Variants in TNFSF4 observed in about 807,000 individuals in gnomAD.
TNFSF4 encodes the protein TNF superfamily member 4.
In TNFSF4, 4 loss-of-function variants were observed where a neutral mutation model predicts 7.3. The observed-to-expected ratio is 0.55, with a 90% CI of 0.27 to 1.25. The LOEUF (loss-of-function observed/expected upper bound fraction) is 1.25. TNFSF4 is among the 50% of genes most tolerant of loss of function. The pLI, the probability that TNFSF4 is intolerant of heterozygous loss-of-function variation, is 0.12. For missense variants in TNFSF4, 181 were observed against 208.8 expected, an observed-to-expected ratio of 0.87 and a Z score of 0.82; for synonymous variants, 76 against 83.7, an observed-to-expected ratio of 0.91 and a Z score of 0.50.
At chr1:173,428,612 A>C in the TNFSF4 span, among the ~76,000 whole-genome samples, 8 of 152,386 alleles carry the variant, frequency 5.2e-5, no homozygotes, top group East Asian at 1.5e-3. Flanking sequence ...TATGATATTA[A>C]TGAATTATTG....
chr1:173,193,031 G>T (rs191960834), intron 1 of TNFSF4, among the ~76,000 whole-genome samples: 2 of 152,138 alleles, frequency 1.3e-5, no homozygotes, highest in East Asian at 1.9e-4. Context: ...ACAGAATGAA[G>T]GAATGGATTA....
chr1:173,183,480 A>G (rs1399723152), downstream of TNFSF4, among the ~76,000 whole-genome samples: 1 of 152,194 alleles, frequency 6.6e-6, no homozygotes, highest in Non-Finnish European at 1.5e-5. Context: ...AAAACAGTAC[A>G]TGGTAGAACT....
At chr1:173,177,143 G>GA in the TNFSF4 span, among the ~76,000 whole-genome samples, 11 of 152,020 alleles carry the variant, frequency 7.2e-5, no homozygotes, top group African/African-American at 2.4e-4. Flanking sequence ...AAAAATGGTT[G>GA]AAAAGGTAAA....
At chr1:173,419,698 A>G in the TNFSF4 span, among the ~76,000 whole-genome samples, 15 of 152,290 alleles carry the variant, frequency 9.8e-5, no homozygotes, top group African/African-American at 3.4e-4. Context: ...AAGACCCATG[A>G]GGACACAAGG....
At chr1:173,448,988 T>C in the TNFSF4 span, among the ~76,000 whole-genome samples, 36 of 152,344 alleles carry the variant, frequency 2.4e-4, no homozygotes, top group Admixed American at 2.1e-3. Context: ...AAATCTCATA[T>C]TCAAATGTAA....
At chr1:173,306,133 A>G in the TNFSF4 span, among the ~76,000 whole-genome samples, 11 of 151,766 alleles carry the variant, frequency 7.2e-5, no homozygotes, top group South Asian at 2.3e-3. Flanking sequence ...TTGGAAGGAG[A>G]TTTTTTCCCC....
chr1:173,394,987 C>CATAGATAGATAG, the TNFSF4 span, among the ~76,000 whole-genome samples: 1 of 126,876 alleles, frequency 7.9e-6, no homozygotes, highest in Non-Finnish European at 1.6e-5. Context: ...ATAGAGGACA[C>CATAGATAGATAG]ATAGATAGAT....
the TNFSF4 span, among the ~76,000 whole-genome samples, chr1:173,250,250 T>G: frequency 6.6e-6 from 1 of 152,328 alleles, no homozygotes; most frequent in African/African-American, 2.4e-5. Flanking sequence ...ATTTTACCAT[T>G]TAACACATTA....
chr1:173,441,414 A>C, the TNFSF4 span, among the ~76,000 whole-genome samples: 1 of 152,108 alleles, frequency 6.6e-6, no homozygotes. Context: ...CCTGAGCTCA[A>C]GAGTTTGAGA....
At chr1:173,189,687 T>C (rs1009424740) in intron 1 of TNFSF4, among the ~76,000 whole-genome samples, 2 of 152,046 alleles carry the variant, frequency 1.3e-5, no homozygotes, top group African/African-American at 4.8e-5. Context: ...ATAAAATATA[T>C]TGCCATTTGT....
the TNFSF4 span, among the ~76,000 whole-genome samples, chr1:173,372,183 A>G: frequency 6.6e-6 from 1 of 152,244 alleles, no homozygotes; most frequent in Non-Finnish European, 1.5e-5. Context: ...CAAAGAATGA[A>G]GACAGCCTAT....
the TNFSF4 span, among the ~76,000 whole-genome samples, chr1:173,378,144 A>G: frequency 2.0e-5 from 3 of 152,206 alleles, no homozygotes; most frequent in African/African-American, 4.8e-5. Flanking sequence ...GTGGTCTAGG[A>G]GGAAAACTAG....
At chr1:173,400,441 A>G in the TNFSF4 span, among the ~76,000 whole-genome samples, 1 of 152,200 alleles carries the variant, frequency 6.6e-6, no homozygotes, top group Non-Finnish European at 1.5e-5. Flanking sequence ...CACCAGTAAA[A>G]TGTTTCCTTC....
At chr1:173,377,654 T>C in the TNFSF4 span, among the ~76,000 whole-genome samples, 1 of 152,322 alleles carries the variant, frequency 6.6e-6, no homozygotes, top group Admixed American at 6.5e-5. Flanking sequence ...CTTTTCTAGT[T>C]TCTCCTACAA....
chr1:173,308,621 A>C, the TNFSF4 span, among the ~76,000 whole-genome samples: 1 of 151,946 alleles, frequency 6.6e-6, no homozygotes, highest in Non-Finnish European at 1.5e-5. Context: ...TAAGTGACTT[A>C]AAACAACAAT....
At chr1:173,316,297 T>C in the TNFSF4 span, among the ~76,000 whole-genome samples, 1 of 152,170 alleles carries the variant, frequency 6.6e-6, no homozygotes, top group Non-Finnish European at 1.5e-5. Context: ...CAAAACATCG[T>C]TTTTACCTTA....
chr1:173,353,221 G>A, the TNFSF4 span, among the ~76,000 whole-genome samples: 1 of 152,180 alleles, frequency 6.6e-6, no homozygotes, highest in Non-Finnish European at 1.5e-5. Flanking sequence ...GACAGGCATA[G>A]GAAATTATAA....
the TNFSF4 span, among the ~76,000 whole-genome samples, chr1:173,314,304 T>G: frequency 1.6e-4 from 24 of 152,126 alleles, no homozygotes; most frequent in Non-Finnish European, 1.2e-4. Context: ...CGGTAAAAAT[T>G]CTACAATTTA....
the TNFSF4 span, among the ~76,000 whole-genome samples, chr1:173,393,329 C>T: frequency 2.6e-5 from 4 of 152,224 alleles, no homozygotes; most frequent in Non-Finnish European, 5.9e-5. Flanking sequence ...CTCACCCTCA[C>T]TCAACATACT....
Sources: gnomAD v4.1 joint callset for allele counts (sites outside exome capture counted in the v4.1 genomes callset) on GRCh38, gnomAD v4.1.1 for gene constraint, MANE v1.5 for transcripts, NCBI Gene and HGNC (gene_info 2026-07-23, HGNC 2026-07-21) for gene names.